Variants in TNR observed in about 807,000 individuals in gnomAD.
TNR encodes tenascin R.
In TNR, 45 loss-of-function variants were observed where a neutral mutation model predicts 150.4. The observed-to-expected ratio is 0.30, with a 90% CI of 0.24 to 0.38. The LOEUF is 0.38. TNR is among the 10% of genes least tolerant of loss of function. The pLI is 1.00. For missense variants in TNR, 1,544 were observed against 1,759.1 expected, an observed-to-expected ratio of 0.88 and a Z score of 2.19; for synonymous variants, 687 against 678.4, an observed-to-expected ratio of 1.01 and a Z score of -0.20.
chr1:175,408,368 C>T (rs557324979), intron 2 of TNR, among the ~76,000 whole-genome samples: 1 of 152,326 alleles, frequency 6.6e-6, no homozygotes, highest in East Asian at 1.9e-4. Context: ...CCATTATCCT[C>T]AAGTTAGATA....
At chr1:175,514,305 G>C (rs1455809540) in intron 2 of TNR, among the ~76,000 whole-genome samples, 1 of 152,224 alleles carries the variant, frequency 6.6e-6, no homozygotes, top group Non-Finnish European at 1.5e-5. Context: ...ACCAGCCAAA[G>C]AGCATGGGTA....
chr1:175,348,846 A>G (rs12067127), intron 18 of TNR, among the ~76,000 whole-genome samples: 5,123 of 152,326 alleles, frequency 0.034, 242 homozygotes, highest in African/African-American at 0.1. Flanking sequence ...AAAAGCAAAG[A>G]AAGACTTCTT....
intron 2 of TNR, among the ~76,000 whole-genome samples, chr1:175,434,616 G>T (rs1220347462): frequency 6.6e-6 from 1 of 152,066 alleles, no homozygotes; most frequent in Non-Finnish European, 1.5e-5. Context: ...TCATTAACTC[G>T]ACAATAAAAG....
chr1:175,577,336 G>C (rs1662159664), intron 1 of TNR, among the ~76,000 whole-genome samples: 1 of 152,188 alleles, frequency 6.6e-6, no homozygotes, highest in Non-Finnish European at 1.5e-5. Context: ...GAGTTTGCTA[G>C]GTCTGGGAGT....
In TNR at chr1:175,316,726, C is replaced by T. The variant is rs1046164231; in HGVS notation, c.*6631G>A. The T allele has an allele frequency of 6.6e-6, 1 of 152,134 alleles. No homozygotes were observed. Among genetic ancestry groups the T allele is most frequent in the African/African-American group, 2.4e-5 (1 of 41,504 alleles). The allele number at this position is 152,134 out of a possible 1,614,324, so 9.4% of individuals were successfully genotyped here. On this transcript the variant is annotated 3_prime_UTR_variant, in exon 23 of 23. Transcript: ENST00000367674. Reference sequence around the variant, plus strand: ...GGTTTATGTTCTGGTTCTTATCTTCCCCCTCTCATTCTGTTGGGGACCCTC... The same window carrying T: ...GGTTTATGTTCTGGTTCTTATCTTCTCCCTCTCATTCTGTTGGGGACCCTC...
At chr1:175,468,671 A>G (rs1397020628) in intron 2 of TNR, among the ~76,000 whole-genome samples, 2 of 152,122 alleles carry the variant, frequency 1.3e-5, no homozygotes, top group East Asian at 1.9e-4. Flanking sequence ...CCCATGGAAG[A>G]GGCATTCTAG....
At chr1:175,460,858 C>T (rs994988687) in intron 2 of TNR, among the ~76,000 whole-genome samples, 6 of 152,166 alleles carry the variant, frequency 3.9e-5, no homozygotes, top group African/African-American at 1.4e-4. Flanking sequence ...TTGAGGAGTA[C>T]CCACACAGAA....
At chr1:175,680,694 G>T (rs922990007) in intron 1 of TNR, among the ~76,000 whole-genome samples, 1 of 152,122 alleles carries the variant, frequency 6.6e-6, no homozygotes, top group East Asian at 1.9e-4. Flanking sequence ...TAAGGGGTGG[G>T]GACAGGGCAT....
At chr1:175,377,486 G>C (rs1252509664) in intron 9 of TNR, among the ~76,000 whole-genome samples, 1 of 128,336 alleles carries the variant, frequency 7.8e-6, no homozygotes, top group Admixed American at 8.2e-5. Flanking sequence ...TTTGGATTTA[G>C]CTTAATTTTT....
In TNR at chr1:175,365,877, G is replaced by A. The variant is rs1651816155; in HGVS notation, c.2315C>T (p.Thr772Ile). Reference protein sequence around the residue: ...QSLESTVDAFTGFRPISHLHF... With the variant: ...QSLESTVDAFIGFRPISHLHF... ...TGGGATTTCTGCTGCTCTGGTACCT[G>A]TGAAAGCATCCACAGTGGACTCCAA... Residue 772 changes from threonine to isoleucine, a missense_variant and splice_region_variant, in exon 11 of 23, where the codon ACA becomes ATA. By Grantham distance (89) the Thr-to-Ile change is moderately conservative. Transcript: ENST00000367674. 1.2e-6 allele frequency: 2 copies of A among 1,613,438 alleles called. No individual in the cohort carries two copies. The highest frequency in any genetic ancestry group is 1.7e-6 in the Non-Finnish European group (2 of 1,179,584).
chr1:175,701,302 TC>T (rs1666689683), intron 1 of TNR, among the ~76,000 whole-genome samples: 1 of 152,210 alleles, frequency 6.6e-6, no homozygotes, highest in African/African-American at 2.4e-5. Context: ...ATCTCACAGA[TC>T]CACTTGCCCC....
chr1:175,554,806 C>T (rs573968443), intron 1 of TNR, among the ~76,000 whole-genome samples: 1 of 152,284 alleles, frequency 6.6e-6, no homozygotes, highest in South Asian at 2.1e-4. Flanking sequence ...CAGGATTCTC[C>T]CACTCCTATG....
intron 2 of TNR, among the ~76,000 whole-genome samples, chr1:175,450,412 C>T (rs916313431): frequency 6.6e-6 from 1 of 152,216 alleles, no homozygotes; most frequent in African/African-American, 2.4e-5. Context: ...TCCTCTAAGA[C>T]CCAGCTCAGG....
intron 1 of TNR, among the ~76,000 whole-genome samples, chr1:175,662,081 G>A (rs2101897281): frequency 6.6e-6 from 1 of 152,252 alleles, no homozygotes; most frequent in Non-Finnish European, 1.5e-5. Context: ...AGCAGGATTG[G>A]AGCATGGGGA....
intron 1 of TNR, among the ~76,000 whole-genome samples, chr1:175,675,335 G>C (rs1272804782): frequency 3.3e-5 from 5 of 152,194 alleles, no homozygotes; most frequent in Admixed American, 6.5e-5. Flanking sequence ...GCTTGGCACT[G>C]CCAACCCAGA....
At chr1:175,512,959 A>G (rs1659251814) in intron 2 of TNR, among the ~76,000 whole-genome samples, 1 of 152,220 alleles carries the variant, frequency 6.6e-6, no homozygotes, top group Non-Finnish European at 1.5e-5. Flanking sequence ...TGAATGGACC[A>G]AGGCATCAGC....
At position 175,613,626 on chromosome 1, in the gene TNR, G is replaced by A. The variant is rs80232855; in HGVS notation, c.-164-85257C>T. On this transcript the variant is annotated intron_variant, in intron 1 of 22. Transcript: ENST00000367674. ...CTGCCCTGTTCCTTCCCTTGGTGCT[G>A]TGGGTGTGTCATTATTACCATCTAC... is the stretch of plus-strand genomic sequence containing the variant. Among the ~76,000 whole-genome samples, 485 of 152,220 alleles carry A rather than the reference G, an allele frequency of 3.2e-3. 1 individual carries two copies. Among genetic ancestry groups the A allele is most frequent in the African/African-American group, 0.011 (451 of 41,528 alleles).
chr1:175,431,911 ATC>A (rs545138749), intron 2 of TNR, among the ~76,000 whole-genome samples: 17 of 136,354 alleles, frequency 1.2e-4, no homozygotes, highest in Non-Finnish European at 1.5e-4. Context: ...GGACCATAAT[ATC>A]TCTCTCTCTC....
chr1:175,483,650 C>G (rs1350875099), intron 2 of TNR, among the ~76,000 whole-genome samples: 1 of 152,202 alleles, frequency 6.6e-6, no homozygotes, highest in Non-Finnish European at 1.5e-5. Flanking sequence ...GGAAACGAGG[C>G]TGCTATTGGA....
Sources: gnomAD v4.1 joint callset for allele counts (sites outside exome capture counted in the v4.1 genomes callset) on GRCh38, gnomAD v4.1.1 for gene constraint, MANE v1.5 for transcripts, NCBI Gene and HGNC (gene_info 2026-07-23, HGNC 2026-07-21) for gene names.